The following LHPP variants were observed in gnomAD, a reference collection of about 807,000 sequenced individuals.
LHPP encodes the protein phospholysine phosphohistidine inorganic pyrophosphate phosphatase.
A neutral mutation model predicts 30.3 loss-of-function variants in LHPP; 24 were observed. The observed-to-expected ratio is 0.79, with a 90% CI of 0.57 to 1.11. LHPP has a LOEUF of 1.11. Among genes scored for constraint, LHPP ranks in the 50% most tolerant of loss-of-function variants. The pLI is 0.00. For synonymous variants in LHPP, 150 were observed against 157.1 expected (o/e 0.95, Z 0.34); for missense variants, 356 against 367.2 (o/e 0.97, Z 0.25).
At chr10:124,513,504 G>A (rs1187102963) in intron 5 of LHPP, among the ~76,000 whole-genome samples, 9 of 109,708 alleles carry the variant, frequency 8.2e-5, no homozygotes, top group Admixed American at 1.4e-4. Flanking sequence ...TCACTCCATC[G>A]CCCATGCTGG....
chr10:124,462,026 C>G, intron 1 of LHPP, 39 bp downstream of exon 1: 2 of 1,196,570 alleles, frequency 1.7e-6, no homozygotes, highest in Non-Finnish European at 2.1e-6. Context: ...CCGCCGAGCT[C>G]TAAGCTCAGC....
rs1282750531 is a variant in LHPP at position 124,510,354 on chromosome 10, G to T, written c.625-6826G>T. On this transcript the variant is annotated intron_variant, in intron 5 of 6. Transcript: ENST00000368842. The surrounding 1 kb of genome is among the most constrained non-coding windows in gnomAD (Gnocchi z 4.0). ...TTTGGTATGCGGAGCCCACAAGCTGGCCTGGACAGGCATCACTGCTCCAGG... is the reference window on the plus strand; with the variant it reads ...TTTGGTATGCGGAGCCCACAAGCTGTCCTGGACAGGCATCACTGCTCCAGG... Among the ~76,000 whole-genome samples, 1 of 152,344 alleles carries T rather than the reference G, an allele frequency of 6.6e-6. No individual in the cohort carries two copies. Among genetic ancestry groups the T allele is most frequent in the East Asian group, 1.9e-4 (1 of 5,196 alleles).
intron 1 of LHPP, among the ~76,000 whole-genome samples, chr10:124,483,628 G>C (rs1002492065): frequency 2.0e-5 from 3 of 152,118 alleles, no homozygotes; most frequent in Non-Finnish European, 4.4e-5. Flanking sequence ...ATGATGGCAG[G>C]CGCCTGTAAT....
chr10:124,556,826 T>C (rs555289359), intron 6 of LHPP, among the ~76,000 whole-genome samples: 6 of 152,348 alleles, frequency 3.9e-5, no homozygotes, highest in Non-Finnish European at 8.8e-5. Flanking sequence ...AAATTGCATA[T>C]TCATATCCTT....
chr10:124,491,561 G>A (rs1953529244), intron 3 of LHPP, among the ~76,000 whole-genome samples: 1 of 152,222 alleles, frequency 6.6e-6, no homozygotes, highest in African/African-American at 2.4e-5. Flanking sequence ...GCCAGTTGGT[G>A]TGGCTGACCC....
intron 5 of LHPP, among the ~76,000 whole-genome samples, chr10:124,513,569 A>G (rs1275709575): frequency 6.8e-6 from 1 of 147,612 alleles, no homozygotes; most frequent in Admixed American, 6.8e-5. Context: ...GGTTCAAGCA[A>G]TTCGTGTGCC....
chr10:124,580,419 C>T (rs1948727854), intron 6 of LHPP, among the ~76,000 whole-genome samples: 2 of 151,358 alleles, frequency 1.3e-5, no homozygotes, highest in Non-Finnish European at 3.0e-5. Context: ...GGTTCCAAAT[C>T]TACTTGAATT....
At chr10:124,506,515 C>T (rs1335510574) in intron 5 of LHPP, among the ~76,000 whole-genome samples, 23 of 151,550 alleles carry the variant, frequency 1.5e-4, no homozygotes, top group African/African-American at 4.8e-4. Flanking sequence ...TAGTACTGAA[C>T]CCAAGATTAC....
chr10:124,471,457 A>G lies in LHPP; in HGVS notation c.125+9470A>G, dbSNP rs1206269723. ...ATATATTATATATATTTATATATTTATATATATTTATATATTATATATATT... is the reference window on the plus strand; with the variant it reads ...ATATATTATATATATTTATATATTTGTATATATTTATATATTATATATATT... On this transcript the variant is annotated intron_variant, in intron 1 of 6. Transcript: ENST00000368842. 4.3e-3 allele frequency among the ~76,000 whole-genome samples: 16 copies of G among 3,738 alleles called. 4 individuals carry two copies. The East Asian group carries it at 0.22, about 52-fold the overall frequency. The allele number at this position is 3,738 out of a possible 152,430, so 2.5% of individuals were successfully genotyped here. A position where few individuals can be genotyped will look rare whatever the true frequency, so the allele number is the denominator to read the frequency against.
At chr10:124,497,207 G>C (rs947201243) in intron 4 of LHPP, among the ~76,000 whole-genome samples, 183 bp downstream of exon 4, 5 of 150,296 alleles carry the variant, frequency 3.3e-5, no homozygotes, top group African/African-American at 1.2e-4. Context: ...GCCCTCAGCT[G>C]TCCTCCTCCC....
chr10:124,540,558 G>A (rs1474885488), intron 6 of LHPP, among the ~76,000 whole-genome samples: 1 of 152,220 alleles, frequency 6.6e-6, no homozygotes, highest in Non-Finnish European at 1.5e-5. Context: ...CTTAAGCTGA[G>A]TTTTGCCTTT....
rs751250611 is a variant in LHPP at position 124,605,974 on chromosome 10, G to C, written c.717-7290G>C. Among the ~76,000 whole-genome samples, 27 of 152,294 alleles carry C rather than the reference G, an allele frequency of 1.8e-4. 1 individual carries two copies. Among genetic ancestry groups the C allele is most frequent in the Middle Eastern group, 3.4e-3 (1 of 294 alleles). ...TCCTGCAGCCACATGCCTCCCAGCT[G>C]TGTGCCTCCGCTTCTACCTCCGAAA... is the stretch of plus-strand genomic sequence containing the variant. On this transcript the variant is annotated intron_variant, in intron 6 of 6. Transcript: ENST00000368842.
At chr10:124,490,223 C>A in intron 3 of LHPP, 1 of 181,016 alleles carries the variant, frequency 5.5e-6, no homozygotes, top group South Asian at 1.1e-4. Context: ...TGTTGGCTTC[C>A]CCACTTGTGG....
chr10:124,469,450 C>G (rs1193403549), intron 1 of LHPP, among the ~76,000 whole-genome samples: 1 of 152,006 alleles, frequency 6.6e-6, no homozygotes, highest in Non-Finnish European at 1.5e-5. Context: ...TCGAGGGAGG[C>G]CTGTCGTGCG....
At chr10:124,581,927 G>A (rs1162565165) in intron 6 of LHPP, among the ~76,000 whole-genome samples, 1 of 150,866 alleles carries the variant, frequency 6.6e-6, no homozygotes, top group African/African-American at 2.4e-5. Context: ...GACTACAGGT[G>A]CCCACCACCA....
At chr10:124,611,057 G>C (rs1361038016) in intron 6 of LHPP, among the ~76,000 whole-genome samples, 1 of 151,850 alleles carries the variant, frequency 6.6e-6, no homozygotes, top group South Asian at 2.1e-4. Context: ...TGAGGGGGCC[G>C]CATACTCATC....
intron 1 of LHPP, among the ~76,000 whole-genome samples, chr10:124,464,812 A>G (rs1400285359): frequency 6.6e-6 from 1 of 152,198 alleles, no homozygotes; most frequent in Non-Finnish European, 1.5e-5. Flanking sequence ...ATTTGACATT[A>G]TCTACCAGTG....
At chr10:124,530,037 A>C (rs1033557307) in intron 6 of LHPP, among the ~76,000 whole-genome samples, 1 of 151,852 alleles carries the variant, frequency 6.6e-6, no homozygotes, top group African/African-American at 2.4e-5. Context: ...CATGCATCCC[A>C]TGAGGCCGTC....
chr10:124,580,800 C>A (rs1169384754), intron 6 of LHPP, among the ~76,000 whole-genome samples: 2 of 150,744 alleles, frequency 1.3e-5, no homozygotes, highest in Non-Finnish European at 2.9e-5. Flanking sequence ...CTCACTGCAA[C>A]CTCTGCCTCC....
Sources: gnomAD v4.1 joint callset for allele counts (sites outside exome capture counted in the v4.1 genomes callset) on GRCh38, gnomAD v4.1.1 for gene constraint, Gnocchi (gnomAD v3.1) non-coding constraint, MANE v1.5 for transcripts, NCBI Gene and HGNC (gene_info 2026-07-23, HGNC 2026-07-21) for gene names.